Variants in TSPAN32 observed in about 807,000 individuals in gnomAD.
The protein encoded by TSPAN32 is tetraspanin 32.
TSPAN32 carries 47 observed loss-of-function variants against 42.7 expected under a neutral mutation model. That is an observed-to-expected ratio of 1.10 (90% CI 0.87 to 1.40). The LOEUF (loss-of-function observed/expected upper bound fraction) is 1.40, where lower values mean the gene tolerates loss of function less well. TSPAN32 is among the 40% of genes most tolerant of loss of function. TSPAN32 has a pLI of 0.00. For missense variants in TSPAN32, 469 were observed against 424.1 expected, an observed-to-expected ratio of 1.11 and a Z score of -0.93; for synonymous variants, 175 against 175.9, an observed-to-expected ratio of 0.99 and a Z score of 0.04.
In TSPAN32 at chr11:2,313,628, G is replaced by T. The variant is rs747192392; in HGVS notation, c.355-26G>T. ...TCCCCGGATCTCCCACCAGGGCCAG[G>T]ACCTCCCTGTGGTCTCTCGGTGCAG... On this transcript the variant is annotated intron_variant, in intron 4 of 9. Coordinates refer to ENST00000182290, the MANE Select transcript of TSPAN32 (RefSeq NM_139022.3). This position sits in a 1 kb window ranked among gnomAD's most constrained non-coding sequence, Gnocchi z 9.1. The T allele has an allele frequency of 5.7e-6, 9 of 1,574,404 alleles. No homozygotes were observed. The Admixed American group carries it at 1.5e-4, about 25-fold the overall frequency.
rs1322454549 is a variant in TSPAN32 at position 2,317,114 on chromosome 11, A to T, written c.720-230A>T. 6.6e-6 allele frequency among the ~76,000 whole-genome samples: 1 copy of T among 152,022 alleles called. No individual in the cohort carries two copies. Among genetic ancestry groups the T allele is most frequent in the Non-Finnish European group, 1.5e-5 (1 of 67,982 alleles). On this transcript the variant is annotated intron_variant, in intron 8 of 9. Transcript: ENST00000182290. The surrounding 1 kb of genome is among the most constrained non-coding windows in gnomAD (Gnocchi z 6.2). Reference sequence around the variant, plus strand: ...ACCCACCCACTTGCTCTTCCTGGCCATCCAAGCCCTCATCCCTGGGTCCTC... The same window carrying T: ...ACCCACCCACTTGCTCTTCCTGGCCTTCCAAGCCCTCATCCCTGGGTCCTC...
Position 2,317,676 on chromosome 11 carries a change from G to A in TSPAN32, c.901+151G>A. The A allele has an allele frequency of 1.0e-6, 1 of 985,420 alleles. No individual in the cohort carries two copies. The highest frequency in any genetic ancestry group is 1.2e-6 in the Non-Finnish European group (1 of 829,924). The allele number at this position is 985,420 out of a possible 1,614,324, so 61.0% of individuals were successfully genotyped here. ...GGGTAGCTCACCAAATCCCTCCATG[G>A]GAACGGGCTGGGAGCAAGCACAAAG... On this transcript the variant is annotated intron_variant, in intron 9 of 9. Transcript: ENST00000182290. The surrounding 1 kb of genome is among the most constrained non-coding windows in gnomAD (Gnocchi z 6.2).
At chr11:2,310,612 A>T (rs1412540052) in intron 4 of TSPAN32, among the ~76,000 whole-genome samples, 2 of 152,200 alleles carry the variant, frequency 1.3e-5, no homozygotes, top group Non-Finnish European at 2.9e-5. Context: ...GGAGCTCTGA[A>T]TATGAAGTCA....
At chr11:2,302,245 G>T (rs1193216212) in intron 1 of TSPAN32, 30 bp downstream of exon 1, 1 of 1,379,120 alleles carries the variant, frequency 7.3e-7, no homozygotes, top group African/African-American at 1.5e-5. Context: ...GGAGTGGGTG[G>T]TGGGTGGGGG....
chr11:2,307,147 G>A (rs527576736), intron 3 of TSPAN32, among the ~76,000 whole-genome samples: 3 of 152,124 alleles, frequency 2.0e-5, no homozygotes, highest in South Asian at 2.1e-4. Flanking sequence ...AGCCGCCAGC[G>A]CCCTGTCCCT....
intron 6 of TSPAN32, 96 bp downstream of exon 6, chr11:2,314,667 C>A: frequency 2.0e-6 from 2 of 980,026 alleles, no homozygotes; most frequent in Non-Finnish European, 3.1e-6. Context: ...TCCCACCCCA[C>A]CCCTTGGCCT....
Position 2,304,088 on chromosome 11 carries a change from CCT to C in TSPAN32, c.182-13_182-12del, listed in dbSNP as rs1847924897. 3.2e-6 allele frequency: 5 copies of C among 1,561,136 alleles called. No homozygotes were observed. Among genetic ancestry groups the C allele is most frequent in the African/African-American group, 1.4e-5 (1 of 73,748 alleles). On this transcript the variant is annotated splice_polypyrimidine_tract_variant and intron_variant, in intron 2 of 9. Transcript: ENST00000182290. This position sits in a 1 kb window ranked among gnomAD's most constrained non-coding sequence, Gnocchi z 4.8. ...TGTCCTGGGCACCCCTAACCCTCCT[CCT>C]CTCTCCTCCCAACCAGCCTTCTCTG...
intron 3 of TSPAN32, among the ~76,000 whole-genome samples, chr11:2,307,451 G>C (rs1036082735): frequency 1.8e-4 from 28 of 152,138 alleles, no homozygotes; most frequent in African/African-American, 6.5e-4. Context: ...CAGGACTCCT[G>C]GGGGAGCTGC....
chr11:2,306,046 C>CTGTGTGTGTGTGTGTG (rs56961357), intron 3 of TSPAN32, among the ~76,000 whole-genome samples: 35,174 of 146,976 alleles, frequency 0.24, 4,450 homozygotes, highest in Non-Finnish European at 0.29. Flanking sequence ...GCAGGTGCCT[C>CTGTGTGTGTGTGTGTG]TGTGTGTGTG....
intron 3 of TSPAN32, among the ~76,000 whole-genome samples, chr11:2,306,070 G>GTGTGTGTGTGTGTGTGTGTT (rs1416501601): frequency 3.9e-5 from 6 of 152,008 alleles, no homozygotes; most frequent in African/African-American, 1.5e-4. Context: ...GTGTGTGTGT[G>GTGTGTGTGTGTGTGTGTGTT]TAAGTATCTG....
intron 2 of TSPAN32, among the ~76,000 whole-genome samples, chr11:2,303,244 G>C (rs1035577950): frequency 6.6e-6 from 1 of 152,058 alleles, no homozygotes; most frequent in Non-Finnish European, 1.5e-5. Context: ...GTGCGGTCAG[G>C]ACCTGGCTCT....
At position 2,313,236 on chromosome 11, in the gene TSPAN32, T is replaced by C. The variant is rs1848569337; in HGVS notation, c.355-418T>C. On this transcript the variant is annotated intron_variant, in intron 4 of 9. Transcript: ENST00000182290. The surrounding 1 kb of genome is among the most constrained non-coding windows in gnomAD (Gnocchi z 9.1). ...AAAGATCTAGAATCCCCAAGCTTTC[T>C]GGGAGCTGAGGTCCTGGCACAGGGT... Among the ~76,000 whole-genome samples the C allele has an allele frequency of 6.6e-6, 1 of 152,196 alleles. No homozygotes were observed. The highest frequency in any genetic ancestry group is 1.5e-5 in the Non-Finnish European group (1 of 68,018).
Position 2,317,312 on chromosome 11 carries a change from C to T in TSPAN32, c.720-32C>T, listed in dbSNP as rs185799341. Reference sequence around the variant, plus strand: ...CTCACAGGTCCCCTGTAGAACATTCCACCACAGCCCCATGATCCCCTTGCT... The same window carrying T: ...CTCACAGGTCCCCTGTAGAACATTCTACCACAGCCCCATGATCCCCTTGCT... On this transcript the variant is annotated intron_variant, in intron 8 of 9. Transcript: ENST00000182290. This position sits in a 1 kb window ranked among gnomAD's most constrained non-coding sequence, Gnocchi z 6.2. 6.5e-7 allele frequency: 1 copy of T among 1,545,872 alleles called. No individual in the cohort carries two copies. Among genetic ancestry groups the T allele is most frequent in the Non-Finnish European group, 8.8e-7 (1 of 1,137,656 alleles).
chr11:2,310,835 G>A (rs559094195), intron 4 of TSPAN32, among the ~76,000 whole-genome samples: 2 of 152,346 alleles, frequency 1.3e-5, no homozygotes, highest in South Asian at 2.1e-4. Flanking sequence ...TGTCCTGGGT[G>A]TGGATGGAGT....
At chr11:2,315,471 G>T in intron 6 of TSPAN32, 1 of 1,138,820 alleles carries the variant, frequency 8.8e-7, no homozygotes, top group South Asian at 1.9e-5. Flanking sequence ...AGGAGCGAGG[G>T]CCTGCCTCGA....
intron 6 of TSPAN32, chr11:2,315,663 G>A (rs1490596003): frequency 4.2e-6 from 5 of 1,189,508 alleles, no homozygotes; most frequent in Admixed American, 3.6e-5. Context: ...TCCACAGGCC[G>A]CCCCAGTTGC....
At chr11:2,306,019 C>T (rs1848060991) in intron 3 of TSPAN32, among the ~76,000 whole-genome samples, 1 of 138,122 alleles carries the variant, frequency 7.2e-6, no homozygotes, top group Admixed American at 7.1e-5. Context: ...TGTGTGTGTG[C>T]ATGTGTGTGT....
Position 2,302,123 on chromosome 11 carries a change from G to GGAGGA in TSPAN32, c.-11_-7dup, listed in dbSNP as rs746834021. 1.3e-4 allele frequency: 189 copies of GGAGGA among 1,483,948 alleles called. No homozygotes were observed. Among genetic ancestry groups the GGAGGA allele is most frequent in the Middle Eastern group, 5.5e-4 (3 of 5,472 alleles). The allele number at this position is 1,483,948 out of a possible 1,614,324, so 91.9% of individuals were successfully genotyped here. Reference sequence around the variant, plus strand: ...GAAACCACAGGGAGGGGAAGGGAGGGGAGGAGAGGAGAGGAGAGGAACCGT... The same window carrying GGAGGA: ...GAAACCACAGGGAGGGGAAGGGAGGGGAGGAGAGGAGAGGAGAGGAGAGGAACCGT... On this transcript the variant is annotated 5_prime_UTR_variant, in exon 1 of 10. Coordinates refer to ENST00000182290, the MANE Select transcript of TSPAN32 (RefSeq NM_139022.3).
intron 6 of TSPAN32, chr11:2,315,000 T>C: frequency 4.4e-6 from 1 of 226,246 alleles, no homozygotes; most frequent in South Asian, 4.3e-5. Context: ...CTGGGGGGCA[T>C]CAGAAGGAGT....
Sources: allele counts gnomAD v4.1 joint callset (sites outside exome capture counted in the v4.1 genomes callset), GRCh38; gene constraint gnomAD v4.1.1; non-coding constraint Gnocchi (gnomAD v3.1); transcripts MANE v1.5; gene names NCBI Gene and HGNC (gene_info 2026-07-23, HGNC 2026-07-21).